The following SFTPB variants were observed in gnomAD, a reference collection of about 807,000 sequenced individuals.
The protein encoded by SFTPB is pulmonary surfactant-associated protein B.
Under a neutral mutation model 51.0 loss-of-function variants are expected in SFTPB, and 32 were observed. That is an observed-to-expected ratio of 0.63 (90% CI 0.47 to 0.84). The LOEUF (loss-of-function observed/expected upper bound fraction) is 0.84, where lower values mean the gene tolerates loss of function less well. SFTPB is among the 40% of genes least tolerant of loss of function. SFTPB has a pLI of 0.00. For synonymous variants in SFTPB, 211 were observed against 208.5 expected (o/e 1.01, Z -0.10); for missense variants, 431 against 491.2 (o/e 0.88, Z 1.16).
upstream of SFTPB, chr2:85,668,569 GC>G: frequency 6.5e-6 from 2 of 306,554 alleles, no homozygotes; most frequent in Non-Finnish European, 6.2e-6. Context: ...GGCCTCCCAG[GC>G]CCCCTCTACT....
At chr2:85,668,537 TTCCCCTCCCA>T, upstream of SFTPB, 1 of 351,038 alleles carries the variant, frequency 2.8e-6, no homozygotes, top group East Asian at 5.2e-5. Context: ...AGCCTGGGTG[TTCCCCTCCCA>T]TCCCCTCCCT....
In SFTPB at chr2:85,665,376, A is replaced by G. The variant is rs1677519190; in HGVS notation, c.585T>C (p.Asp195=). Residue 195 remains aspartate, a splice_region_variant and synonymous_variant, in exon 6 of 11, where the codon GAT becomes GAC. Transcript: ENST00000519937. ...LQARPGPHTQ[D]LSEQQFPIPL... is the part of the protein sequence containing the mutation. ...GAATGGGGAATTGCTGCTCGGAGAGATCCTGGGGAAAGAATCAGGTGGAGG... is the reference window on the plus strand; with the variant it reads ...GAATGGGGAATTGCTGCTCGGAGAGGTCCTGGGGAAAGAATCAGGTGGAGG... The G allele has an allele frequency of 6.2e-7, 1 of 1,613,620 alleles. No homozygotes were observed.
rs1677181961 is a variant in SFTPB at position 85,659,361 on chromosome 2, CCT to C, written c.*339_*340del. On this transcript the variant is annotated 3_prime_UTR_variant, in exon 11 of 11. Transcript: ENST00000519937. ...TCCTGTAAAGCAGTGGCTGGTTTTT[CCT>C]GAGCCCAGCCCTGGGAGGTCGTGGT... 6.6e-6 allele frequency: 1 copy of C among 152,192 alleles called. No individual in the cohort carries two copies. The highest frequency in any genetic ancestry group is 6.5e-5 in the Admixed American group (1 of 15,278). 9.4% of individuals were successfully genotyped at this position (152,192 alleles called of 1,614,324 possible).
At chr2:85,661,640 T>A in intron 9 of SFTPB, 105 bp from the exon 10 acceptor site, 1 of 940,314 alleles carries the variant, frequency 1.1e-6, no homozygotes, top group South Asian at 1.5e-5. Context: ...GCCTAGTGGG[T>A]GCTACCAGTG....
chr2:85,662,446 C>T lies in SFTPB; in HGVS notation c.1003-337G>A, dbSNP rs979820918. Among the ~76,000 whole-genome samples the T allele has an allele frequency of 5.3e-5, 8 of 152,118 alleles. No individual in the cohort carries two copies. In the East Asian group the frequency reaches 5.8e-4, roughly 11 times the overall value. ...CTTGAGACCAGATGTGATGGGCAGT[C>T]GGGAGGCTTGGGAGTTGCTGAGCAG... On this transcript the variant is annotated intron_variant, in intron 8 of 10. Coordinates refer to ENST00000519937, the MANE Select transcript of SFTPB (RefSeq NM_000542.5).
At chr2:85,665,467 C>G in intron 5 of SFTPB, 89 bp from the exon 6 acceptor site, 1 of 1,438,084 alleles carries the variant, frequency 7.0e-7, no homozygotes, top group Non-Finnish European at 9.8e-7. Flanking sequence ...CCCTTTCTCT[C>G]CCTCCTCCCT....
chr2:85,660,706 C>T (rs956473122), intron 10 of SFTPB, among the ~76,000 whole-genome samples: 2 of 152,122 alleles, frequency 1.3e-5, no homozygotes, highest in African/African-American at 2.4e-5. Context: ...CTGCCTGCCT[C>T]GGCCTCCCAA....
At position 85,668,133 on chromosome 2, in the gene SFTPB, G is replaced by C; in HGVS notation, c.51C>G (p.Leu17=). ...GAGACTCACCAGTGCCTGGGCCACA[G>C]AGCGTGGGCAGCAGCAGCAGCAGCC... ...LQWLLLLLPT[L]CGPGTAAWTT... Residue 17 remains leucine (L), a synonymous_variant, in exon 1 of 11, where the codon CTC becomes CTG. Transcript: ENST00000519937. 6.4e-7 allele frequency: 1 copy of C among 1,551,376 alleles called. No individual in the cohort carries two copies. The highest frequency in any genetic ancestry group is 8.7e-7 in the Non-Finnish European group (1 of 1,146,826).
chr2:85,662,019 G>T lies in SFTPB; in HGVS notation c.1083+10C>A, dbSNP rs1354302845. 1 of 1,592,338 alleles carries T rather than the reference G, an allele frequency of 6.3e-7. No homozygotes were observed. The highest frequency in any genetic ancestry group is 8.5e-7 in the Non-Finnish European group (1 of 1,171,222). On this transcript the variant is annotated intron_variant, in intron 9 of 10. Transcript: ENST00000519937. Reference sequence around the variant, plus strand: ...GAAGTCCTAGGACCAACTGGGAGGGGTGGGTGTACCTGGCAGGTGGTGTGG... The same window carrying T: ...GAAGTCCTAGGACCAACTGGGAGGGTTGGGTGTACCTGGCAGGTGGTGTGG...
In SFTPB at chr2:85,665,798, G is replaced by A. The variant is rs937667239; in HGVS notation, c.394-4C>T. The stretch of plus-strand genomic sequence containing the variant: ...GCATACAGATGCCGTTTGAGTCCTG[G>A]GGCACAGCACAGGGTGGGAGTGTTA... On this transcript the variant is annotated splice_region_variant and splice_polypyrimidine_tract_variant and intron_variant, in intron 4 of 10. Transcript: ENST00000519937. 5 of 1,613,926 alleles carry A rather than the reference G, an allele frequency of 3.1e-6. No individual in the cohort carries two copies. Among genetic ancestry groups the A allele is most frequent in the Middle Eastern group, 1.6e-4 (1 of 6,082 alleles).
At position 85,665,497 on chromosome 2, in the gene SFTPB, C is replaced by G. The variant is rs1677527506; in HGVS notation, c.582+109G>C. 5 of 1,462,744 alleles carry G rather than the reference C, an allele frequency of 3.4e-6. No individual in the cohort carries two copies. The South Asian group carries it at 5.8e-5, about 17-fold the overall frequency. 90.6% of individuals were successfully genotyped at this position (1,462,744 alleles called of 1,614,324 possible). A position where few individuals can be genotyped will look rare whatever the true frequency, so the allele number is the denominator to read the frequency against. Reference sequence around the variant, plus strand: ...CTCCCTTAGGCCCTGCCTGGAGCTTCCTATCACCTTCCCGGCTCTGCCTCT... The same window carrying G: ...CTCCCTTAGGCCCTGCCTGGAGCTTGCTATCACCTTCCCGGCTCTGCCTCT... On this transcript the variant is annotated intron_variant, in intron 5 of 10. Transcript: ENST00000519937.
rs373005606 is a variant in SFTPB, at chr2:85,661,582, C to T, written c.1084-47G>A. On this transcript the variant is annotated intron_variant, in intron 9 of 10. Transcript: ENST00000519937. Reference sequence around the variant, plus strand: ...GGCTGAGGCCTGGGCCCCCTCAGCTCCCCACACCCAGCTCTTCCGGGAAAG... The same window carrying T: ...GGCTGAGGCCTGGGCCCCCTCAGCTTCCCACACCCAGCTCTTCCGGGAAAG... 2.7e-5 allele frequency: 40 copies of T among 1,500,228 alleles called. No homozygotes were observed. The South Asian group carries it at 4.6e-4, about 17-fold the overall frequency. 92.9% of individuals were successfully genotyped at this position (1,500,228 alleles called of 1,614,324 possible).
intron 4 of SFTPB, 34 bp downstream of exon 4, chr2:85,666,583 G>A: frequency 6.2e-7 from 1 of 1,610,786 alleles, no homozygotes; most frequent in African/African-American, 1.3e-5. Flanking sequence ...GCCTGCGTGG[G>A]GAGGCAGGCA....
intron 7 of SFTPB, 74 bp from the exon 8 acceptor site, chr2:85,663,565 T>G (rs1677417588): frequency 6.3e-7 from 1 of 1,598,214 alleles, no homozygotes; most frequent in Non-Finnish European, 8.5e-7. Flanking sequence ...TCCTCCTTGG[T>G]GCATTGCAGT....
chr2:85,662,210 C>T, intron 8 of SFTPB, 101 bp from the exon 9 acceptor site: 3 of 1,540,700 alleles, frequency 1.9e-6, no homozygotes, highest in East Asian at 2.5e-5. Context: ...AGGGCTCCCT[C>T]CCGACTCCTC....
intron 8 of SFTPB, among the ~76,000 whole-genome samples, chr2:85,662,622 C>A (rs45570336): frequency 1.1e-4 from 17 of 152,226 alleles, no homozygotes; most frequent in African/African-American, 3.9e-4. Flanking sequence ...GGGCAGATCA[C>A]TTCAGGTCAG....
chr2:85,662,402 A>C lies in SFTPB; in HGVS notation c.1003-293T>G, dbSNP rs2040349. ...ACCTCCATTTCAGTTCTAGAAGGAA[A>C]CTTAACGTTCATCTGGTCCTTGAGA... On this transcript the variant is annotated intron_variant, in intron 8 of 10. Transcript: ENST00000519937. The C allele has an allele frequency of 0.38, 304,399 of 803,572 alleles. 62,806 individuals carry two copies. The highest frequency in any genetic ancestry group is 0.75 in the African/African-American group (42,746 of 56,712). 49.8% of individuals were successfully genotyped at this position (803,572 alleles called of 1,614,324 possible).
chr2:85,667,022 G>T (rs1490120242), intron 3 of SFTPB, 84 bp downstream of exon 3: 4 of 1,266,528 alleles, frequency 3.2e-6, no homozygotes, highest in Non-Finnish European at 4.6e-6. Context: ...CCTGGAAATG[G>T]CCCCTTTAGG....
At chr2:85,665,505 C>T in intron 5 of SFTPB, 101 bp downstream of exon 5, 1 of 1,483,212 alleles carries the variant, frequency 6.7e-7, no homozygotes, top group South Asian at 1.2e-5. Context: ...TTCCTATCAC[C>T]TTCCCGGCTC....
Sources: allele counts gnomAD v4.1 joint callset (sites outside exome capture counted in the v4.1 genomes callset), GRCh38; gene constraint gnomAD v4.1.1; transcripts MANE v1.5; gene names NCBI Gene and HGNC (gene_info 2026-07-23, HGNC 2026-07-21).